The following GALNT16 variants were observed in gnomAD, a reference collection of about 807,000 sequenced individuals.
The protein encoded by GALNT16 is polypeptide N-acetylgalactosaminyltransferase 16.
GALNT16 carries 40 observed loss-of-function variants against 76.1 expected under a neutral mutation model. The observed-to-expected ratio is 0.53, with a 90% CI of 0.41 to 0.68. The LOEUF (loss-of-function observed/expected upper bound fraction) is 0.68. Among genes scored for constraint, GALNT16 ranks in the 30% least tolerant of loss-of-function variants. GALNT16 has a pLI of 0.00. For missense variants in GALNT16, 621 were observed against 731.9 expected (o/e 0.85, Z 1.75); for synonymous variants, 276 against 285.2 (o/e 0.97, Z 0.32).
At chr14:69,328,869 C>T (rs2044389582) in intron 6 of GALNT16, among the ~76,000 whole-genome samples, 1 of 152,130 alleles carries the variant, frequency 6.6e-6, no homozygotes, top group South Asian at 2.1e-4. Context: ...GGATCCTGTG[C>T]TGGGAGAGCT....
At chr14:69,377,072 A>T in the GALNT16 span, among the ~76,000 whole-genome samples, 1,574 of 152,308 alleles carry the variant, frequency 0.01, 29 homozygotes, top group African/African-American at 0.036. Context: ...CGTGGAAGAG[A>T]AACACTTGAT....
chr14:69,339,707 A>C, intron 11 of GALNT16, 88 bp downstream of exon 11: 1 of 733,696 alleles, frequency 1.4e-6, no homozygotes, highest in Non-Finnish European at 2.3e-6. Flanking sequence ...ACGCCAGGGA[A>C]CCACCCGCCA....
At chr14:69,322,853 C>T (rs1303451) in intron 2 of GALNT16, among the ~76,000 whole-genome samples, 9,037 of 150,906 alleles carry the variant, frequency 0.06, 587 homozygotes, top group East Asian at 0.32. Context: ...ATCGCAGTAC[C>T]GTACTCCAGC....
intron 1 of GALNT16, among the ~76,000 whole-genome samples, chr14:69,315,616 C>A (rs866704740): frequency 2.0e-5 from 3 of 152,208 alleles, no homozygotes; most frequent in African/African-American, 7.2e-5. Flanking sequence ...ATGCCAAAGA[C>A]GGGCCTGATA....
At chr14:69,378,424 T>C in the GALNT16 span, among the ~76,000 whole-genome samples, 31 of 152,298 alleles carry the variant, frequency 2.0e-4, no homozygotes, top group East Asian at 5.6e-3. Flanking sequence ...TTACTTGTGG[T>C]TGGGGAAAGG....
At chr14:69,312,288 G>A (rs1045615217) in intron 1 of GALNT16, among the ~76,000 whole-genome samples, 7 of 152,264 alleles carry the variant, frequency 4.6e-5, no homozygotes, top group South Asian at 2.1e-4. Context: ...TGATCAGTCC[G>A]TGTTCGATAG....
chr14:69,361,054 G>T (rs924227408), downstream of GALNT16, among the ~76,000 whole-genome samples: 1 of 152,230 alleles, frequency 6.6e-6, no homozygotes, highest in African/African-American at 2.4e-5. Context: ...GCCTCGCTTT[G>T]CATGATTTAT....
At chr14:69,267,413 A>G (rs893188850) in intron 1 of GALNT16, among the ~76,000 whole-genome samples, 2 of 152,252 alleles carry the variant, frequency 1.3e-5, no homozygotes, top group Non-Finnish European at 2.9e-5. Flanking sequence ...AGGTCTGCCC[A>G]GGTATAGCCT....
chr14:69,309,116 TTTTTA>T (rs1264930435), intron 1 of GALNT16, among the ~76,000 whole-genome samples: 4 of 152,124 alleles, frequency 2.6e-5, no homozygotes, highest in African/African-American at 7.2e-5. Flanking sequence ...TTGCATTTTA[TTTTTA>T]TTTTATTTTT....
Position 69,331,469 on chromosome 14 carries a change from C to T in GALNT16, c.696C>T (p.His232=), listed in dbSNP as rs2045351604. ...ATCTCACATCTCTCTCCTAGGACCACACCCGCGTGGTGAGTCCCATCATTG... is the reference window on the plus strand; with the variant it reads ...ATCTCACATCTCTCTCCTAGGACCATACCCGCGTGGTGAGTCCCATCATTG... ...PPMLQRVKED[H]TRVVSPIIDV... is the part of the protein sequence containing the mutation. Residue 232 remains histidine, a synonymous_variant, in exon 7 of 15, where the codon CAC becomes CAT. Transcript: ENST00000448469. 1 of 1,592,974 alleles carries T rather than the reference C, an allele frequency of 6.3e-7. No individual in the cohort carries two copies. The highest frequency in any genetic ancestry group is 1.3e-5 in the African/African-American group (1 of 74,482).
intron 1 of GALNT16, among the ~76,000 whole-genome samples, chr14:69,264,068 T>C (rs1378649066): frequency 6.6e-6 from 1 of 152,238 alleles, no homozygotes; most frequent in Non-Finnish European, 1.5e-5. Flanking sequence ...AGGTTTTCCA[T>C]ATGCCAGTTC....
intron 1 of GALNT16, among the ~76,000 whole-genome samples, chr14:69,288,218 G>A (rs2044641499): frequency 6.6e-6 from 1 of 152,204 alleles, no homozygotes; most frequent in Non-Finnish European, 1.5e-5. Flanking sequence ...TTTGTTTAAA[G>A]TTGCACAGCT....
intron 1 of GALNT16, among the ~76,000 whole-genome samples, chr14:69,292,040 T>C (rs73279282): frequency 0.036 from 5,414 of 152,240 alleles, 320 homozygotes; most frequent in African/African-American, 0.12. Context: ...CAAGAATCTC[T>C]GGCAGGAAAG....
chr14:69,308,548 G>T (rs1305979449), intron 1 of GALNT16, among the ~76,000 whole-genome samples: 1 of 152,130 alleles, frequency 6.6e-6, no homozygotes, highest in Non-Finnish European at 1.5e-5. Context: ...TTAATCAGTT[G>T]TCTACTGATA....
chr14:69,260,032 C>A, upstream of GALNT16: 1 of 401,716 alleles, frequency 2.5e-6, no homozygotes, highest in South Asian at 3.3e-5. Context: ...GAGCGCGGGG[C>A]CGGCCCTGCG....
chr14:69,260,136 A>ACTC, upstream of GALNT16: 7 of 113,994 alleles, frequency 6.1e-5, 3 homozygotes, highest in South Asian at 4.3e-4. Flanking sequence ...TCTCCCTATC[A>ACTC]CCCCCCCGCC....
chr14:69,356,234 G>A (rs1033386876), downstream of GALNT16: 3 of 152,288 alleles, frequency 2.0e-5, no homozygotes, highest in African/African-American at 4.8e-5. Flanking sequence ...CTGAGTAGCC[G>A]ACCTGGACTG....
At chr14:69,270,438 A>T (rs1011147292) in intron 1 of GALNT16, among the ~76,000 whole-genome samples, 4 of 152,154 alleles carry the variant, frequency 2.6e-5, no homozygotes, top group African/African-American at 9.7e-5. Context: ...GGTCACACAC[A>T]ATTCCAATCC....
At chr14:69,328,603 C>A in intron 6 of GALNT16, 32 bp downstream of exon 6, 1 of 1,600,346 alleles carries the variant, frequency 6.2e-7, no homozygotes, top group Non-Finnish European at 8.5e-7. Flanking sequence ...GCTGGGCGTC[C>A]TTGGGGACTC....
Sources: allele counts gnomAD v4.1 joint callset (sites outside exome capture counted in the v4.1 genomes callset), GRCh38; gene constraint gnomAD v4.1.1; transcripts MANE v1.5; gene names NCBI Gene and HGNC (gene_info 2026-07-23, HGNC 2026-07-21).